The following NAA11 variants were observed in gnomAD, a reference collection of about 807,000 sequenced individuals.
NAA11 encodes the protein N-alpha-acetyltransferase 11.
Under a neutral mutation model 16.1 loss-of-function variants are expected in NAA11, and 15 were observed. The ratio of observed to expected loss-of-function variants is 0.93; its 90% CI spans 0.62 to 1.44. NAA11 has a LOEUF of 1.44. Among genes scored for constraint, NAA11 ranks in the 40% most tolerant of loss-of-function variants. The pLI is 0.00. For synonymous variants in NAA11, 122 were observed against 112.4 expected, an observed-to-expected ratio of 1.09 and a Z score of -0.54; for missense variants, 298 against 291.3, an observed-to-expected ratio of 1.02 and a Z score of -0.17.
chr4:79,256,652 A>AATATATAAATATATATATATATT (rs1491290215), intron 2 of NAA11, among the ~76,000 whole-genome samples: 37 of 27,432 alleles, frequency 1.3e-3, no homozygotes, highest in Middle Eastern at 0.016. Context: ...ATAAATATAA[A>AATATATAAATATATATATATATT]TATATATATA....
At chr4:79,236,204 G>C (rs1332865857) in intron 2 of NAA11, among the ~76,000 whole-genome samples, 2 of 152,054 alleles carry the variant, frequency 1.3e-5, no homozygotes, top group South Asian at 2.1e-4. Flanking sequence ...CAAAATTACA[G>C]ATATTTTACT....
the NAA11 span, among the ~76,000 whole-genome samples, chr4:79,200,186 C>T: frequency 6.6e-6 from 1 of 151,754 alleles, no homozygotes; most frequent in East Asian, 1.9e-4. Context: ...TGCCTCAGTT[C>T]CTCCCGTTTT....
At chr4:79,273,315 G>A (rs1305741373) in intron 2 of NAA11, among the ~76,000 whole-genome samples, 1 of 152,000 alleles carries the variant, frequency 6.6e-6, no homozygotes, top group Non-Finnish European at 1.5e-5. Context: ...TTAAATAGAT[G>A]AGGTTCCATT....
the NAA11 span, among the ~76,000 whole-genome samples, chr4:79,176,356 A>G: frequency 1.3e-5 from 2 of 152,168 alleles, no homozygotes; most frequent in African/African-American, 2.4e-5. Flanking sequence ...TGGGATATGT[A>G]TATGTATATA....
At chr4:79,294,495 T>A (rs1383387663) in intron 1 of NAA11, among the ~76,000 whole-genome samples, 1 of 152,180 alleles carries the variant, frequency 6.6e-6, no homozygotes, top group East Asian at 1.9e-4. Context: ...TTGGCAATCA[T>A]AAAAGGCAAT....
At chr4:79,275,917 TA>T (rs36117732) in intron 2 of NAA11, among the ~76,000 whole-genome samples, 31 of 152,128 alleles carry the variant, frequency 2.0e-4, no homozygotes, top group Admixed American at 1.9e-3. Flanking sequence ...TAAATATGTT[TA>T]AAAACCTTAC....
chr4:79,218,256 C>T, the NAA11 span, among the ~76,000 whole-genome samples: 4 of 152,128 alleles, frequency 2.6e-5, no homozygotes, highest in East Asian at 1.9e-4. Context: ...AACAATATAA[C>T]TTAAACATGT....
the NAA11 span, among the ~76,000 whole-genome samples, chr4:79,208,943 A>C: frequency 1.3e-5 from 2 of 148,730 alleles, no homozygotes; most frequent in Non-Finnish European, 3.0e-5. Context: ...AAAAAAAAAA[A>C]AAAACCCCAA....
intron 1 of NAA11, among the ~76,000 whole-genome samples, chr4:79,318,262 G>C (rs1341910081): frequency 6.6e-6 from 1 of 152,156 alleles, no homozygotes; most frequent in African/African-American, 2.4e-5. Flanking sequence ...AACTCTATAA[G>C]TCATATTTTC....
chr4:79,257,559 T>C (rs1722146211), intron 2 of NAA11, among the ~76,000 whole-genome samples: 1 of 152,172 alleles, frequency 6.6e-6, no homozygotes, highest in African/African-American at 2.4e-5. Context: ...TCAGAACCAT[T>C]TTCTTTCATT....
intron 1 of NAA11, among the ~76,000 whole-genome samples, chr4:79,321,447 A>G (rs1187149883): frequency 6.6e-6 from 1 of 152,242 alleles, no homozygotes; most frequent in Non-Finnish European, 1.5e-5. Context: ...AGTTGAATGT[A>G]TATGAACCAG....
intron 2 of NAA11, among the ~76,000 whole-genome samples, chr4:79,234,803 A>G (rs1192786694): frequency 1.3e-5 from 2 of 152,148 alleles, no homozygotes; most frequent in Non-Finnish European, 2.9e-5. Flanking sequence ...AATGTTATGA[A>G]CACCATTAAT....
At chr4:79,285,826 TTAA>T (rs1297917271) in intron 2 of NAA11, among the ~76,000 whole-genome samples, 1 of 152,008 alleles carries the variant, frequency 6.6e-6, no homozygotes, top group East Asian at 1.9e-4. Context: ...TTAGAGGCTG[TTAA>T]TAATACAAAC....
chr4:79,255,718 T>C (rs1722093028), intron 2 of NAA11, among the ~76,000 whole-genome samples: 1 of 152,210 alleles, frequency 6.6e-6, no homozygotes, highest in African/African-American at 2.4e-5. Context: ...AAGGAATTCA[T>C]GGGCAAGTTA....
At chr4:79,207,607 G>A in the NAA11 span, among the ~76,000 whole-genome samples, 1 of 152,012 alleles carries the variant, frequency 6.6e-6, no homozygotes, top group Non-Finnish European at 1.5e-5. Flanking sequence ...AATTTCTGTT[G>A]TTTAAGTGAA....
At chr4:79,290,394 A>G (rs891588041) in intron 2 of NAA11, among the ~76,000 whole-genome samples, 1 of 152,202 alleles carries the variant, frequency 6.6e-6, no homozygotes, top group Non-Finnish European at 1.5e-5. Flanking sequence ...CTGTTGTGGC[A>G]TTCCAAAAGC....
downstream of NAA11, among the ~76,000 whole-genome samples, chr4:79,314,338 A>G (rs1723866977): frequency 6.6e-6 from 1 of 152,132 alleles, no homozygotes. Context: ...GAGTATTAAC[A>G]TGGAAAAAAG....
intron 2 of NAA11, among the ~76,000 whole-genome samples, chr4:79,276,655 G>A (rs372508174): frequency 1.3e-5 from 2 of 152,126 alleles, no homozygotes; most frequent in African/African-American, 2.4e-5. Flanking sequence ...ACACTCTGCC[G>A]AATAACTGGA....
chr4:79,221,574 T>G (rs1368588088), downstream of NAA11, among the ~76,000 whole-genome samples: 1 of 128,930 alleles, frequency 7.8e-6, no homozygotes, highest in African/African-American at 2.7e-5. Context: ...ATTGAGAGTT[T>G]TTAGCATGAA....
Sources: allele counts gnomAD v4.1 joint callset (sites outside exome capture counted in the v4.1 genomes callset), GRCh38; gene constraint gnomAD v4.1.1; transcripts MANE v1.5; gene names NCBI Gene and HGNC (gene_info 2026-07-23, HGNC 2026-07-21).